The following MSI2 variants were observed in gnomAD, a reference collection of about 807,000 sequenced individuals.
MSI2 encodes musashi RNA binding protein 2.
In MSI2, 17 loss-of-function variants were observed where a neutral mutation model predicts 45.6. That is an observed-to-expected ratio of 0.37 (90% CI 0.26 to 0.56). MSI2 has a LOEUF of 0.56. Ranked by LOEUF, MSI2 falls within the 20% of genes least tolerant of loss-of-function variation. The pLI is 0.77. For missense variants in MSI2, 293 were observed against 444.2 expected (o/e 0.66, Z 3.06); for synonymous variants, 156 against 158.2 (o/e 0.99, Z 0.11).
chr17:57,324,840 G>A (rs548721088), intron 5 of MSI2, among the ~76,000 whole-genome samples: 5 of 152,280 alleles, frequency 3.3e-5, no homozygotes, highest in African/African-American at 1.2e-4. Flanking sequence ...GCTTCTTTGA[G>A]CCACTGGGGC....
intron 11 of MSI2, among the ~76,000 whole-genome samples, chr17:57,670,379 C>T (rs62058159): frequency 4.6e-5 from 7 of 152,210 alleles, no homozygotes; most frequent in Admixed American, 1.3e-4. Flanking sequence ...GCATCTCTCC[C>T]GTCTTGCTTT....
At chr17:57,390,964 G>T (rs1316405084) in intron 5 of MSI2, among the ~76,000 whole-genome samples, 1 of 152,190 alleles carries the variant, frequency 6.6e-6, no homozygotes, top group Non-Finnish European at 1.5e-5. Flanking sequence ...GATAGATCGG[G>T]GGTGGCTATT....
intron 7 of MSI2, among the ~76,000 whole-genome samples, chr17:57,572,417 C>A (rs1054800342): frequency 9.8e-5 from 15 of 152,332 alleles, no homozygotes; most frequent in Admixed American, 9.8e-4. Flanking sequence ...GGCTGGCGCC[C>A]AGTAATTTTT....
chr17:57,376,969 G>A (rs2083508610), intron 5 of MSI2, among the ~76,000 whole-genome samples: 1 of 149,278 alleles, frequency 6.7e-6, no homozygotes, highest in South Asian at 2.1e-4. Flanking sequence ...CCCCCAGGCT[G>A]GAGGGCAGTG....
At chr17:57,359,103 C>A (rs1329162939) in intron 5 of MSI2, among the ~76,000 whole-genome samples, 1 of 152,060 alleles carries the variant, frequency 6.6e-6, no homozygotes, top group East Asian at 1.9e-4. Context: ...CTTTCTCCCG[C>A]CACTCCCGGA....
rs61547233 is a variant in MSI2, at chr17:57,499,875, A to G, written c.406-29801A>G. Among the ~76,000 whole-genome samples the G allele has an allele frequency of 7.0e-3, 1,068 of 152,256 alleles. 12 individuals carry two copies. The highest frequency in any genetic ancestry group is 0.025 in the African/African-American group (1,026 of 41,540). ...ATATCATGGCTGCCTCAGGCAGTCA[A>G]ACTCCTTGTACAGAAGCTTAGGGCT... On this transcript the variant is annotated intron_variant, in intron 6 of 13. Transcript: ENST00000284073.
At chr17:57,654,834 C>CA (rs1409438094) in intron 11 of MSI2, among the ~76,000 whole-genome samples, 2 of 151,946 alleles carry the variant, frequency 1.3e-5, no homozygotes, top group Non-Finnish European at 2.9e-5. Flanking sequence ...CAGGGGCTCT[C>CA]AGGCTTCATT....
chr17:57,632,085 C>A, intron 10 of MSI2: 1 of 1,285,514 alleles, frequency 7.8e-7, no homozygotes, highest in Non-Finnish European at 9.8e-7. Context: ...GACCCCACTT[C>A]CTCAGAATGT....
rs1019348708 is a variant in MSI2, at chr17:57,655,546, C to T, written c.790+3385C>T. Among the ~76,000 whole-genome samples the T allele has an allele frequency of 4.3e-5, 6 of 137,950 alleles. No individual in the cohort carries two copies. In the East Asian group the frequency reaches 1.6e-3, roughly 36 times the overall value. The allele number at this position is 137,950 out of a possible 152,430, so 90.5% of individuals were successfully genotyped here. ...CCAGGACCCCTTACTGTACTTTATA[C>T]TTGCCAGCTTTATTCCAATCTAGTA... On this transcript the variant is annotated intron_variant, in intron 11 of 13. Transcript: ENST00000284073.
At chr17:57,413,245 A>C (rs181339484) in intron 6 of MSI2, among the ~76,000 whole-genome samples, 1 of 152,132 alleles carries the variant, frequency 6.6e-6, no homozygotes, top group Non-Finnish European at 1.5e-5. Context: ...TTACCACTCA[A>C]TTCTTCTACC....
intron 5 of MSI2, among the ~76,000 whole-genome samples, chr17:57,395,532 T>C (rs554224120): frequency 2.0e-4 from 31 of 152,106 alleles, no homozygotes; most frequent in Non-Finnish European, 4.0e-4. Context: ...GCAAGAATGG[T>C]AGTATTGGCA....
intron 5 of MSI2, among the ~76,000 whole-genome samples, chr17:57,325,173 C>T (rs1165168667): frequency 1.3e-5 from 2 of 152,194 alleles, no homozygotes; most frequent in Non-Finnish European, 2.9e-5. Context: ...TCTTTTGCAG[C>T]AACTTGGATA....
chr17:57,323,884 G>A (rs1319932944), intron 5 of MSI2, among the ~76,000 whole-genome samples: 1 of 152,220 alleles, frequency 6.6e-6, no homozygotes, highest in East Asian at 1.9e-4. Context: ...CCTGCTGTAT[G>A]AGGAGCATTC....
chr17:57,489,946 G>A (rs1015088228), intron 6 of MSI2, among the ~76,000 whole-genome samples: 1 of 152,192 alleles, frequency 6.6e-6, no homozygotes, highest in Non-Finnish European at 1.5e-5. Flanking sequence ...GGAGGGTGAC[G>A]AGAGGGTGAT....
intron 5 of MSI2, among the ~76,000 whole-genome samples, chr17:57,298,096 G>A (rs1037820243): frequency 2.0e-5 from 3 of 151,454 alleles, no homozygotes; most frequent in Admixed American, 2.0e-4. Flanking sequence ...GGCATCTAGA[G>A]TGGTGAATGC....
intron 7 of MSI2, among the ~76,000 whole-genome samples, chr17:57,560,644 G>A (rs981764764): frequency 5.3e-5 from 8 of 152,180 alleles, no homozygotes; most frequent in African/African-American, 1.9e-4. Flanking sequence ...GCAAGATGGG[G>A]TAACAGTAAC....
chr17:57,330,289 C>CT lies in MSI2; in HGVS notation c.312+68110dup, dbSNP rs1023452042. On this transcript the variant is annotated intron_variant, in intron 5 of 13. Coordinates refer to ENST00000284073, the MANE Select transcript of MSI2 (RefSeq NM_138962.4). Reference sequence around the variant, plus strand: ...AAGCCTGTAACTTTTTCTTTTTTTTCTTTTTTTTTTTTTGAGACAGAGTCT... The same window carrying CT: ...AAGCCTGTAACTTTTTCTTTTTTTTCTTTTTTTTTTTTTTGAGACAGAGTCT... Among the ~76,000 whole-genome samples, 581 of 142,624 alleles carry CT rather than the reference C, an allele frequency of 4.1e-3. 3 individuals are homozygous for CT. Among genetic ancestry groups the CT allele is most frequent in the African/African-American group, 0.011 (423 of 39,130 alleles). The allele number at this position is 142,624 out of a possible 152,430, so 93.6% of individuals were successfully genotyped here.
chr17:57,601,846 G>A (rs1365943480), intron 8 of MSI2: 1 of 152,204 alleles, frequency 6.6e-6, no homozygotes, highest in African/African-American at 2.4e-5. Context: ...TCCTGAGCAG[G>A]AGTCCTCATC....
intron 6 of MSI2, chr17:57,523,536 G>A (rs1199588221): frequency 2.0e-5 from 3 of 152,250 alleles, no homozygotes; most frequent in African/African-American, 7.2e-5. Context: ...ATTAGGATTA[G>A]AGAGGCATCA....
Sources: allele counts gnomAD v4.1 joint callset (sites outside exome capture counted in the v4.1 genomes callset), GRCh38; gene constraint gnomAD v4.1.1; transcripts MANE v1.5; gene names NCBI Gene and HGNC (gene_info 2026-07-23, HGNC 2026-07-21).